The following RNF216 variants were observed in gnomAD, a reference collection of about 807,000 sequenced individuals.
RNF216 encodes E3 ubiquitin-protein ligase RNF216.
A neutral mutation model predicts 110.8 loss-of-function variants in RNF216; 72 were observed. The observed-to-expected ratio is 0.65, with a 90% confidence interval of 0.54 to 0.79. The LOEUF is 0.79. Among genes scored for constraint, RNF216 ranks in the 30% least tolerant of loss-of-function variants. The pLI, the probability that RNF216 is intolerant of heterozygous loss-of-function variation, is 0.00. For synonymous variants in RNF216, 495 were observed against 407.5 expected, an observed-to-expected ratio of 1.21 and a Z score of -2.59; for missense variants, 1,342 against 1,141.2, an observed-to-expected ratio of 1.18 and a Z score of -2.54.
chr7:5,623,486 G>T (rs374622115), intron 16 of RNF216, among the ~76,000 whole-genome samples: 27 of 149,400 alleles, frequency 1.8e-4, no homozygotes, highest in African/African-American at 6.7e-4. Flanking sequence ...TTTTTTAATA[G>T]ATGGGGTTTT....
At chr7:5,671,384 A>G (rs929331267) in intron 13 of RNF216, among the ~76,000 whole-genome samples, 11 of 152,204 alleles carry the variant, frequency 7.2e-5, no homozygotes, top group Non-Finnish European at 1.0e-4. Flanking sequence ...CCTCAAATGC[A>G]TATGTGAAGC....
At chr7:5,759,633 C>CTTCTTTTTTTTTTTTTTTTT (rs59390560) in intron 2 of RNF216, among the ~76,000 whole-genome samples, 5 of 131,176 alleles carry the variant, frequency 3.8e-5, no homozygotes, top group Non-Finnish European at 6.3e-5. Context: ...CATTTTTCTT[C>CTTCTTTTTTTTTTTTTTTTT]TTTTTTTTTT....
At chr7:5,747,745 T>TAAAAA (rs1562457376) in intron 3 of RNF216, among the ~76,000 whole-genome samples, 4 of 11,026 alleles carry the variant, frequency 3.6e-4, no homozygotes, top group African/African-American at 1.5e-3. Context: ...AGACTCCATC[T>TAAAAA]CAAAAAAAAA....
At chr7:5,703,571 T>C (rs545073835) in intron 13 of RNF216, among the ~76,000 whole-genome samples, 1 of 152,242 alleles carries the variant, frequency 6.6e-6, no homozygotes, top group South Asian at 2.1e-4. Flanking sequence ...CAGCAAATGC[T>C]ACAAAGAATA....
intron 1 of RNF216, among the ~76,000 whole-genome samples, chr7:5,781,230 G>A (rs1250079460): frequency 2.0e-5 from 3 of 152,096 alleles, no homozygotes; most frequent in African/African-American, 7.2e-5. Context: ...GCGGTCTCCC[G>A]GGCTGTTGCC....
chr7:5,632,045 T>G (rs1336697747), intron 15 of RNF216, among the ~76,000 whole-genome samples: 1 of 151,812 alleles, frequency 6.6e-6, no homozygotes, highest in Non-Finnish European at 1.5e-5. Flanking sequence ...GGGCAGGAGG[T>G]CTGGACTTGT....
chr7:5,742,827 C>G (rs557250051), intron 3 of RNF216, among the ~76,000 whole-genome samples: 39 of 152,152 alleles, frequency 2.6e-4, no homozygotes, highest in African/African-American at 8.7e-4. Context: ...AACTCCTGAC[C>G]TCAGATGACT....
chr7:5,731,676 T>C (rs1794099623), intron 5 of RNF216, among the ~76,000 whole-genome samples: 1 of 151,326 alleles, frequency 6.6e-6, no homozygotes, highest in Non-Finnish European at 1.5e-5. Context: ...TAATGGGGAC[T>C]TCCCCTTTTC....
chr7:5,752,071 G>C (rs970872705), intron 3 of RNF216, among the ~76,000 whole-genome samples: 1 of 152,022 alleles, frequency 6.6e-6, no homozygotes, highest in African/African-American at 2.4e-5. Context: ...TGTAATCCCA[G>C]CTACTCAGGA....
Position 5,736,685 on chromosome 7 carries a change from GC to G in RNF216, c.1121+2590del, listed in dbSNP as rs540056825. Among the ~76,000 whole-genome samples, 23 of 151,596 alleles carry G rather than the reference GC, an allele frequency of 1.5e-4. No homozygotes were observed. The South Asian group carries it at 4.4e-3, about 29-fold the overall frequency. Reference sequence around the variant, plus strand: ...CTTCTAGGAAGTGAGGAGCGTCTCTGCCGGGCCACCCATCATCTGAGACGTG... The same window carrying G: ...CTTCTAGGAAGTGAGGAGCGTCTCTGCGGGCCACCCATCATCTGAGACGTG... On this transcript the variant is annotated intron_variant, in intron 5 of 16. Coordinates refer to ENST00000389902, the MANE Select transcript of RNF216 (RefSeq NM_207111.4).
Position 5,620,851 on chromosome 7 carries a change from A to G in RNF216, c.*2009T>C, listed in dbSNP as rs1786308727. 6.6e-6 allele frequency: 1 copy of G among 152,242 alleles called. No homozygotes were observed. The highest frequency in any genetic ancestry group is 2.1e-4 in the South Asian group (1 of 4,832). The allele number at this position is 152,242 out of a possible 1,614,324, so 9.4% of individuals were successfully genotyped here. ...CAGGGCAGAGGGAGCTGAGGCTCCC[A>G]GGGCCTGAGGTCACCTCTTCAGCTG... On this transcript the variant is annotated 3_prime_UTR_variant, in exon 17 of 17. Transcript: ENST00000389902.
At position 5,620,974 on chromosome 7, in the gene RNF216, G is replaced by A. The variant is rs146102863; in HGVS notation, c.*1886C>T. On this transcript the variant is annotated 3_prime_UTR_variant, in exon 17 of 17. Transcript: ENST00000389902. The stretch of plus-strand genomic sequence containing the variant: ...AAGACAATCCTGTTGCTGCCGCATG[G>A]AGCCTGCCTTTCCAAGGCACTGTCG... 3 of 152,200 alleles carry A rather than the reference G, an allele frequency of 2.0e-5. No individual in the cohort carries two copies. The highest frequency in any genetic ancestry group is 6.5e-5 in the Admixed American group (1 of 15,276). 9.4% of individuals were successfully genotyped at this position (152,200 alleles called of 1,614,324 possible). A position where few individuals can be genotyped will look rare whatever the true frequency, so the allele number is the denominator to read the frequency against.
Position 5,622,015 on chromosome 7 carries a change from CA to C in RNF216, c.*844del, listed in dbSNP as rs1410875087. On this transcript the variant is annotated 3_prime_UTR_variant, in exon 17 of 17. Coordinates refer to ENST00000389902, the MANE Select transcript of RNF216 (RefSeq NM_207111.4). ...GAGGCCCACTCCTCCCCCAGAAAGCCAGGGGGGAAAAGCTGCTCATCACCCA... is the reference window on the plus strand; with the variant it reads ...GAGGCCCACTCCTCCCCCAGAAAGCCGGGGGGAAAAGCTGCTCATCACCCA... The C allele has an allele frequency of 6.6e-6, 1 of 152,296 alleles. No individual in the cohort carries two copies. The highest frequency in any genetic ancestry group is 2.4e-5 in the African/African-American group (1 of 41,442). The allele number at this position is 152,296 out of a possible 1,614,324, so 9.4% of individuals were successfully genotyped here.
chr7:5,685,570 C>A (rs977249540), intron 13 of RNF216, among the ~76,000 whole-genome samples: 1 of 152,198 alleles, frequency 6.6e-6, no homozygotes, highest in Admixed American at 6.5e-5. Flanking sequence ...TTTCCTCTTT[C>A]CTCAGCAAAC....
At chr7:5,719,966 C>A (rs1358240841) in intron 9 of RNF216, among the ~76,000 whole-genome samples, 1 of 152,138 alleles carries the variant, frequency 6.6e-6, no homozygotes, top group East Asian at 1.9e-4. Context: ...ATGTTTCCAA[C>A]GGTCAAAACT....
intron 13 of RNF216, among the ~76,000 whole-genome samples, chr7:5,682,310 G>A (rs150581301): frequency 2.0e-5 from 3 of 152,104 alleles, no homozygotes; most frequent in East Asian, 1.9e-4. Context: ...CCTCACACCC[G>A]TCCCTCTAAA....
chr7:5,680,723 T>G lies in RNF216; in HGVS notation c.2062-28213A>C, dbSNP rs1445512702. Among the ~76,000 whole-genome samples, 1 of 152,014 alleles carries G rather than the reference T, an allele frequency of 6.6e-6. No homozygotes were observed. The highest frequency in any genetic ancestry group is 1.5e-5 in the Non-Finnish European group (1 of 68,006). ...AGCACTCAACACTTCTACTTGGATA[T>G]CTAAAAGGCACCCCAGACAAAAGAT... On this transcript the variant is annotated intron_variant, in intron 13 of 16. Coordinates refer to ENST00000389902, the MANE Select transcript of RNF216 (RefSeq NM_207111.4). This position sits in a 1 kb window ranked among gnomAD's most constrained non-coding sequence, Gnocchi z 4.3.
chr7:5,721,495 T>C (rs964091388), intron 8 of RNF216, among the ~76,000 whole-genome samples: 7 of 152,374 alleles, frequency 4.6e-5, no homozygotes, highest in South Asian at 2.1e-4. Flanking sequence ...TTTGCTGTTT[T>C]GGGTTAATCT....
chr7:5,656,172 G>C (rs983385331), intron 13 of RNF216, among the ~76,000 whole-genome samples: 7 of 152,182 alleles, frequency 4.6e-5, no homozygotes, highest in African/African-American at 1.7e-4. Context: ...TGGAAGCTGA[G>C]ACAGGAGAAT....
Sources: gnomAD v4.1 joint callset for allele counts (sites outside exome capture counted in the v4.1 genomes callset) on GRCh38, gnomAD v4.1.1 for gene constraint, Gnocchi (gnomAD v3.1) non-coding constraint, MANE v1.5 for transcripts, NCBI Gene and HGNC (gene_info 2026-07-23, HGNC 2026-07-21) for gene names.